EDC3: variants seen among roughly 807,000 people sequenced by gnomAD.
EDC3 encodes enhancer of mRNA decapping 3.
In EDC3, 20 loss-of-function variants were observed where a neutral mutation model predicts 41.8. That is an observed-to-expected ratio of 0.48 (90% CI 0.34 to 0.70). The LOEUF (loss-of-function observed/expected upper bound fraction) is 0.70, where lower values mean the gene tolerates loss of function less well. EDC3 is among the 30% of genes least tolerant of loss of function. The probability of loss-of-function intolerance (pLI) is 0.01; values close to 1 mark genes in which losing one functional copy is unlikely to be tolerated. For missense variants in EDC3, 444 were observed against 636.8 expected (o/e 0.70, Z 3.26); for synonymous variants, 206 against 243.2 (o/e 0.85, Z 1.42).
chr15:74,682,070 G>A (rs2062875921), intron 1 of EDC3, among the ~76,000 whole-genome samples: 1 of 152,026 alleles, frequency 6.6e-6, no homozygotes. Flanking sequence ...GTAAGAATGT[G>A]GAAAAAATGG....
intron 5 of EDC3, chr15:74,639,084 G>A (rs886229409): frequency 1.3e-5 from 2 of 152,114 alleles, no homozygotes; most frequent in Admixed American, 1.3e-4. Context: ...AACCTGGTTT[G>A]TCCACTTTTC....
intron 3 of EDC3, among the ~76,000 whole-genome samples, chr15:74,659,702 T>C (rs762591195): frequency 1.3e-5 from 2 of 150,996 alleles, no homozygotes; most frequent in Non-Finnish European, 3.0e-5. Flanking sequence ...GGGACCCCTG[T>C]CTTTATAAAA....
At chr15:74,646,788 C>T (rs1310723447) in intron 4 of EDC3, among the ~76,000 whole-genome samples, 1 of 151,928 alleles carries the variant, frequency 6.6e-6, no homozygotes, top group Non-Finnish European at 1.5e-5. Flanking sequence ...AACAGAAAGA[C>T]CAAGGAGAAT....
At chr15:74,664,399 C>T (rs2062655215) in intron 3 of EDC3, among the ~76,000 whole-genome samples, 1 of 152,276 alleles carries the variant, frequency 6.6e-6, no homozygotes, top group South Asian at 2.1e-4. Flanking sequence ...ATTACAAGGG[C>T]CATGCAAGTA....
At chr15:74,645,322 G>A (rs1434139574) in intron 4 of EDC3, 2 of 152,152 alleles carry the variant, frequency 1.3e-5, no homozygotes, top group Admixed American at 6.5e-5. Flanking sequence ...GTGTGGTTGT[G>A]TAGAGCAATA....
chr15:74,675,665 G>A (rs1254871016), intron 1 of EDC3, among the ~76,000 whole-genome samples: 30 of 149,880 alleles, frequency 2.0e-4, no homozygotes, highest in African/African-American at 6.9e-4. Flanking sequence ...CAGATCACGA[G>A]GTCACGAGAT....
intron 4 of EDC3, among the ~76,000 whole-genome samples, chr15:74,649,841 C>T (rs1259468077): frequency 7.2e-6 from 1 of 138,136 alleles, no homozygotes; most frequent in African/African-American, 2.9e-5. Context: ...AGGCACAAAG[C>T]ATTGCAGGAG....
chr15:74,675,944 G>A (rs1048321914), intron 1 of EDC3, among the ~76,000 whole-genome samples: 6 of 151,464 alleles, frequency 4.0e-5, no homozygotes, highest in Middle Eastern at 6.8e-3. Flanking sequence ...TAAACCTAAC[G>A]ACTACAGAAT....
At chr15:74,645,555 A>G (rs2062403173) in intron 4 of EDC3, 1 of 111,066 alleles carries the variant, frequency 9.0e-6, no homozygotes, top group South Asian at 4.5e-4. Flanking sequence ...TTTTTTCAAT[A>G]AAAAAAGTTG....
chr15:74,635,000 G>T (rs1267730007), intron 6 of EDC3: 1 of 452,690 alleles, frequency 2.2e-6, no homozygotes, highest in East Asian at 6.9e-5. Flanking sequence ...TCTCCACCCA[G>T]TCCTCCAACA....
At chr15:74,658,343 G>T (rs779085601) in intron 3 of EDC3, among the ~76,000 whole-genome samples, 9 of 152,056 alleles carry the variant, frequency 5.9e-5, no homozygotes, top group Non-Finnish European at 1.2e-4. Flanking sequence ...AAAGGACCAA[G>T]AGTTTGGAGA....
chr15:74,634,623 A>C (rs1011929245), intron 6 of EDC3, among the ~76,000 whole-genome samples: 1 of 152,024 alleles, frequency 6.6e-6, no homozygotes, highest in African/African-American at 2.4e-5. Flanking sequence ...TGAGGCCAAA[A>C]ACTTTGGAGC....
intron 1 of EDC3, among the ~76,000 whole-genome samples, chr15:74,685,433 A>T (rs1048714570): frequency 1.3e-5 from 2 of 151,108 alleles, no homozygotes; most frequent in Non-Finnish European, 2.9e-5. Flanking sequence ...AGATAGATAG[A>T]TAGTGTGTGT....
chr15:74,663,860 CAG>C (rs2141633100), intron 3 of EDC3, among the ~76,000 whole-genome samples: 2 of 152,296 alleles, frequency 1.3e-5, no homozygotes, highest in East Asian at 3.9e-4. Context: ...TAAAGACTAA[CAG>C]GGTCCACAGT....
At chr15:74,683,915 G>A (rs2062903751) in intron 1 of EDC3, among the ~76,000 whole-genome samples, 1 of 152,068 alleles carries the variant, frequency 6.6e-6, no homozygotes, top group Non-Finnish European at 1.5e-5. Context: ...AATAGGCCAG[G>A]CATGGTGGCT....
rs561864930 is a variant in EDC3, at chr15:74,671,405, T to C, written c.484+50A>G. The C allele has an allele frequency of 5.7e-6, 9 of 1,567,090 alleles. No homozygotes were observed. The African/African-American group carries it at 9.4e-5, about 16-fold the overall frequency. On this transcript the variant is annotated intron_variant, in intron 3 of 6. Transcript: ENST00000315127. The surrounding 1 kb of genome is among the most constrained non-coding windows in gnomAD (Gnocchi z 4.6). ...AAAGAGCAGCAGTGCTTATGGCTTA[T>C]AGCCCTGAAACACCAGATTGAGAAG...
intron 3 of EDC3, among the ~76,000 whole-genome samples, chr15:74,660,897 T>C (rs1474396349): frequency 1.3e-5 from 2 of 152,236 alleles, no homozygotes; most frequent in Non-Finnish European, 2.9e-5. Flanking sequence ...ATATTTGAGA[T>C]ATCTGAGGAA....
At chr15:74,633,093 G>C in intron 6 of EDC3, 147 bp from the exon 7 acceptor site, 1 of 897,750 alleles carries the variant, frequency 1.1e-6, no homozygotes, top group Non-Finnish European at 1.7e-6. Context: ...TTAAAGCTGG[G>C]CCAGGGCACA....
intron 4 of EDC3, among the ~76,000 whole-genome samples, chr15:74,653,485 C>T (rs2062506446): frequency 6.6e-6 from 1 of 152,162 alleles, no homozygotes; most frequent in South Asian, 2.1e-4. Context: ...AGATAACTGC[C>T]TGCTTGCTCT....
Sources: allele counts gnomAD v4.1 joint callset (sites outside exome capture counted in the v4.1 genomes callset), GRCh38; gene constraint gnomAD v4.1.1; non-coding constraint Gnocchi (gnomAD v3.1); transcripts MANE v1.5; gene names NCBI Gene and HGNC (gene_info 2026-07-23, HGNC 2026-07-21).